The following PCDHA11 variants were observed in gnomAD, a reference collection of about 807,000 sequenced individuals.
PCDHA11 encodes protocadherin alpha 11.
PCDHA11 carries 61 observed loss-of-function variants against 70.3 expected under a neutral mutation model. The ratio of observed to expected loss-of-function variants is 0.87; its 90% CI spans 0.71 to 1.07. The LOEUF is 1.07. PCDHA11 is among the 50% of genes least tolerant of loss of function. The pLI is 0.00. For synonymous variants in PCDHA11, 633 were observed against 555.1 expected (o/e 1.14, Z -1.97); for missense variants, 1,324 against 1,237.5 (o/e 1.07, Z -1.05).
intron 1 of PCDHA11, among the ~76,000 whole-genome samples, chr5:140,955,670 T>C (rs1212129993): frequency 6.6e-6 from 1 of 152,140 alleles, no homozygotes; most frequent in East Asian, 1.9e-4. Flanking sequence ...TTTAACATAG[T>C]TTTTTCGAAA....
At chr5:140,895,143 A>C (rs115893558) in intron 1 of PCDHA11, among the ~76,000 whole-genome samples, 3,577 of 152,272 alleles carry the variant, frequency 0.023, 51 homozygotes, top group Middle Eastern at 0.034. Flanking sequence ...CATAGGGCTA[A>C]GACAGGTTTA....
intron 1 of PCDHA11, among the ~76,000 whole-genome samples, chr5:140,901,883 C>G (rs1206318073): frequency 5.3e-5 from 8 of 152,038 alleles, no homozygotes; most frequent in Non-Finnish European, 1.0e-4. Flanking sequence ...CTTTCATCAG[C>G]ATTTTATATT....
In PCDHA11 at chr5:140,870,953, C is replaced by T. The variant is rs782232980; in HGVS notation, c.1850C>T (p.Ser617Leu). The T allele has an allele frequency of 3.2e-5, 51 of 1,613,668 alleles. No homozygotes were observed. In the East Asian group the frequency reaches 1.0e-3, roughly 32 times the overall value. ...SYELQPAAGG[S>L]RIPFRVGLYT... ...GAATTGCAGCCGGCGGCGGGCGGCT[C>T]GCGCATCCCGTTCCGCGTGGGGCTG... Residue 617 changes from serine to leucine, a missense_variant, in exon 1 of 4, where the codon TCG (serine) becomes TTG (leucine). Transcript: ENST00000398640.
chr5:141,009,563 C>T (rs1588242901), intron 3 of PCDHA11, 64 bp from the exon 4 acceptor site: 2 of 1,571,920 alleles, frequency 1.3e-6, no homozygotes, highest in Non-Finnish European at 1.7e-6. Flanking sequence ...TGTACTCTAC[C>T]AGCAGTGTGG....
chr5:140,945,909 TC>T (rs1440194990), intron 1 of PCDHA11, among the ~76,000 whole-genome samples: 3 of 151,962 alleles, frequency 2.0e-5, no homozygotes, highest in African/African-American at 7.2e-5. Context: ...AGATGAAAGA[TC>T]AATAACACTG....
intron 1 of PCDHA11, among the ~76,000 whole-genome samples, chr5:140,892,821 T>C (rs2063687425): frequency 6.6e-6 from 1 of 152,210 alleles, no homozygotes; most frequent in Non-Finnish European, 1.5e-5. Context: ...TATCCTACAG[T>C]GCTACAGTGC....
chr5:140,907,885 A>C (rs1554193167), intron 1 of PCDHA11, among the ~76,000 whole-genome samples: 1 of 152,210 alleles, frequency 6.6e-6, no homozygotes, highest in Admixed American at 6.5e-5. Flanking sequence ...CTCACATGGG[A>C]TACAAATATC....
At chr5:140,954,299 C>T (rs964431670) in intron 1 of PCDHA11, among the ~76,000 whole-genome samples, 2 of 152,166 alleles carry the variant, frequency 1.3e-5, no homozygotes, top group Non-Finnish European at 2.9e-5. Context: ...GGTACATACC[C>T]AGTAATGGGA....
At chr5:140,906,265 TATAG>T (rs1455952624) in intron 1 of PCDHA11, among the ~76,000 whole-genome samples, 7 of 152,148 alleles carry the variant, frequency 4.6e-5, no homozygotes, top group African/African-American at 1.2e-4. Context: ...CTCCTGAAAT[TATAG>T]ATAATCTTCA....
At chr5:140,968,560 C>T (rs782202250) in intron 1 of PCDHA11, 2 of 1,614,154 alleles carry the variant, frequency 1.2e-6, no homozygotes, top group Admixed American at 1.7e-5. Context: ...CTCGAACTGC[C>T]CCTGCTGGCT....
intron 1 of PCDHA11, among the ~76,000 whole-genome samples, chr5:140,961,280 C>G (rs246003): frequency 0.56 from 85,679 of 152,048 alleles, 24,751 homozygotes; most frequent in African/African-American, 0.69. Flanking sequence ...TACCATGGCT[C>G]TGTTTCTTGA....
At chr5:140,928,851 T>G (rs1554206396) in intron 1 of PCDHA11, 1 of 1,614,192 alleles carries the variant, frequency 6.2e-7, no homozygotes, top group Non-Finnish European at 8.5e-7. Flanking sequence ...TCACTCTGGG[T>G]GTGCTGTTGA....
intron 1 of PCDHA11, among the ~76,000 whole-genome samples, chr5:140,916,482 G>C (rs2077584456): frequency 6.6e-6 from 1 of 152,194 alleles, no homozygotes; most frequent in African/African-American, 2.4e-5. Context: ...GTGCCCAAGG[G>C]CTCTTTAGTC....
chr5:141,009,953 A>G lies in PCDHA11; in HGVS notation c.*16A>G, dbSNP rs782663496. 3 of 1,592,888 alleles carry G rather than the reference A, an allele frequency of 1.9e-6. No homozygotes were observed. Among genetic ancestry groups the G allele is most frequent in the Non-Finnish European group, 2.6e-6 (3 of 1,172,546 alleles). On this transcript the variant is annotated 3_prime_UTR_variant, in exon 4 of 4. Transcript: ENST00000398640. ...TGACCAGTGAGGTCCTCAAATGGAA[A>G]CAAGCCACTTAGCCAGTTTTTGTAA...
At position 140,887,760 on chromosome 5, in the gene PCDHA11, A is replaced by AT. The variant is rs1233050056; in HGVS notation, c.2391+16267dup. On this transcript the variant is annotated intron_variant, in intron 1 of 3. Coordinates refer to ENST00000398640, the MANE Select transcript of PCDHA11 (RefSeq NM_018902.5). Reference sequence around the variant, plus strand: ...CCTTTCTGAGACTCCAGTAACACATATGTTACAATGACACAGGTCATTGAA... The same window carrying AT: ...CCTTTCTGAGACTCCAGTAACACATATTGTTACAATGACACAGGTCATTGAA... Among the ~76,000 whole-genome samples, 21 of 152,264 alleles carry AT rather than the reference A, an allele frequency of 1.4e-4. No individual in the cohort carries two copies. In the East Asian group the frequency reaches 4.1e-3, roughly 29 times the overall value.
intron 1 of PCDHA11, among the ~76,000 whole-genome samples, chr5:140,923,350 A>G (rs2081329332): frequency 6.6e-6 from 1 of 152,092 alleles, no homozygotes; most frequent in Non-Finnish European, 1.5e-5. Flanking sequence ...ACATAGTGGG[A>G]CCCTATCTTT....
chr5:141,000,403 A>C (rs1233777704), intron 3 of PCDHA11, among the ~76,000 whole-genome samples: 120 of 84,052 alleles, frequency 1.4e-3, no homozygotes, highest in East Asian at 4.6e-3. Context: ...CTCTATATAT[A>C]TATATATATA....
chr5:140,966,279 G>A, intron 1 of PCDHA11: 1 of 364,628 alleles, frequency 2.7e-6, no homozygotes, highest in Non-Finnish European at 4.9e-6. Flanking sequence ...ACTGGACAGT[G>A]GGGGTAGGGA....
rs1006692100 is a variant in PCDHA11 at position 140,968,013 on chromosome 5, G to A, written c.2392-10936G>A. Reference sequence around the variant, plus strand: ...CTGCCTTTCCGACTGAATGGCTTTGGAAACTCCTATACACTGGTGGTGAGC... The same window carrying A: ...CTGCCTTTCCGACTGAATGGCTTTGAAAACTCCTATACACTGGTGGTGAGC... On this transcript the variant is annotated intron_variant, in intron 1 of 3. Coordinates refer to ENST00000398640, the MANE Select transcript of PCDHA11 (RefSeq NM_018902.5). 2.5e-6 allele frequency: 4 copies of A among 1,614,066 alleles called. No individual in the cohort carries two copies. The African/African-American group carries it at 4.0e-5, about 16-fold the overall frequency.
Sources: gnomAD v4.1 joint callset for allele counts (sites outside exome capture counted in the v4.1 genomes callset) on GRCh38, gnomAD v4.1.1 for gene constraint, MANE v1.5 for transcripts, NCBI Gene and HGNC (gene_info 2026-07-23, HGNC 2026-07-21) for gene names.